The following EDA variants were observed in gnomAD, a reference collection of about 807,000 sequenced individuals.
EDA encodes ectodysplasin-A.
A neutral mutation model predicts 23.6 loss-of-function variants in EDA; 2 were observed. The ratio of observed to expected loss-of-function variants is 0.08; its 90% CI spans 0.03 to 0.27. The LOEUF (loss-of-function observed/expected upper bound fraction) is 0.27. Among genes scored for constraint, EDA ranks in the 10% least tolerant of loss-of-function variants. The pLI, the probability that EDA is intolerant of heterozygous loss-of-function variation, is 1.00. For missense variants in EDA, 229 were observed against 324.2 expected (o/e 0.71, Z 2.26); for synonymous variants, 131 against 132.0 (o/e 0.99, Z 0.05).
At chrX:69,833,479 G>T (rs1031009227) in intron 1 of EDA, among the ~76,000 whole-genome samples, 1 of 103,402 alleles carries the variant, frequency 9.7e-6, no homozygotes, top group African/African-American at 3.6e-5. Flanking sequence ...TGTTCATCAG[G>T]GATATTGGTC....
intron 1 of EDA, among the ~76,000 whole-genome samples, chrX:69,785,131 T>C (rs9780013): frequency 0.058 from 5,932 of 101,711 alleles, 465 homozygotes; most frequent in African/African-American, 0.19. Context: ...GTGATTTTTG[T>C]ACATTGATTT....
rs1569272277 is a variant in EDA at position 69,616,542 on chromosome X, T to A, written c.234T>A (p.Leu78=). Residue 78 remains leucine (L), a synonymous_variant, in exon 1 of 8, where the codon CTT becomes CTA. Transcript: ENST00000374552. ...GGGAACGTGGAGCCGAGTCCCGCCT[T>A]GGCGGCTCGGGCACCCCTGGCACCT... is the stretch of plus-strand genomic sequence containing the variant. ...LRRERGAESR[L]GGSGTPGTSG... 8.3e-7 allele frequency: 1 copy of A among 1,211,493 alleles called. No individual in the cohort carries two copies. The highest frequency in any genetic ancestry group is 1.7e-5 in the African/African-American group (1 of 57,837).
chrX:69,776,863 C>T, intron 1 of EDA, among the ~76,000 whole-genome samples: 1 of 111,475 alleles, frequency 9.0e-6, no homozygotes. Context: ...TCTTAACTTT[C>T]ACTACAGTTT....
chrX:70,029,825 T>C (rs1602619944), intron 5 of EDA, among the ~76,000 whole-genome samples: 1 of 112,519 alleles, frequency 8.9e-6, no homozygotes, highest in East Asian at 2.8e-4. Context: ...TGAAATAAGC[T>C]GCCAGTCAGA....
rs762426564 is a variant in EDA, at chrX:70,030,512, T to C, written c.785T>C (p.Val262Ala). ...CAGGGCCAAGGGTCAGCAATTCAAGTCAAGAATGGTAAGAATCAAAATAGG... is the reference window on the plus strand; with the variant it reads ...CAGGGCCAAGGGTCAGCAATTCAAGCCAAGAATGGTAAGAATCAAAATAGG... The part of the protein sequence containing the change: ...HLQGQGSAIQ[V>A]KNDLSGGVLN... Residue 262 changes from valine to alanine, a missense_variant, in exon 6 of 8, where the codon GTC (valine) becomes GCC (alanine). By Grantham distance (64) the Val-to-Ala change is moderately conservative. Coordinates refer to ENST00000374552, the MANE Select transcript of EDA (RefSeq NM_001399.5). The C allele has an allele frequency of 1.7e-6, 2 of 1,200,301 alleles. No individual in the cohort carries two copies. The highest frequency in any genetic ancestry group is 6.0e-5 in the East Asian group (2 of 33,448).
chrX:69,681,153 ACT>A (rs1024529201), intron 1 of EDA, among the ~76,000 whole-genome samples: 54 of 109,688 alleles, frequency 4.9e-4, no homozygotes, highest in Admixed American at 8.7e-4. Context: ...ATTGGCCCCC[ACT>A]CTCTTCTGGC....
intron 2 of EDA, among the ~76,000 whole-genome samples, chrX:69,971,370 A>T (rs917712107): frequency 8.9e-6 from 1 of 112,629 alleles, no homozygotes; most frequent in African/African-American, 3.2e-5. Flanking sequence ...GGTTTGAAAC[A>T]GTTTATTAAT....
Position 70,019,175 on chromosome X carries a change from TA to T in EDA, c.503-4036del, listed in dbSNP as rs768240324. Among the ~76,000 whole-genome samples the T allele has an allele frequency of 5.4e-5, 6 of 111,512 alleles. No individual in the cohort carries two copies. The East Asian group carries it at 1.7e-3, about 31-fold the overall frequency. ...TCACACCAGTCAGAATGGCTATTACTAAAAAAATCAAAAAATAAGAGATGCT... is the reference window on the plus strand; with the variant it reads ...TCACACCAGTCAGAATGGCTATTACTAAAAAATCAAAAAATAAGAGATGCT... On this transcript the variant is annotated intron_variant, in intron 2 of 7. Coordinates refer to ENST00000374552, the MANE Select transcript of EDA (RefSeq NM_001399.5).
chrX:69,720,052 C>T (rs1237200952), intron 1 of EDA, among the ~76,000 whole-genome samples: 1 of 111,691 alleles, frequency 9.0e-6, no homozygotes, highest in Non-Finnish European at 1.9e-5. Flanking sequence ...CCGGCCACCA[C>T]ATTTTCTTTA....
intron 1 of EDA, among the ~76,000 whole-genome samples, chrX:69,672,998 G>A (rs1933954956): frequency 8.9e-6 from 1 of 111,879 alleles, no homozygotes; most frequent in African/African-American, 3.2e-5. Context: ...ACATCTGCCT[G>A]TTTTGTTACT....
chrX:69,778,944 ACT>A (rs1295265515), intron 1 of EDA, among the ~76,000 whole-genome samples: 6 of 111,381 alleles, frequency 5.4e-5, no homozygotes, highest in Non-Finnish European at 9.5e-5. Flanking sequence ...CAACTACTCA[ACT>A]CTACTGTTAT....
Position 69,666,809 on chromosome X carries a change from T to C in EDA, c.396+50105T>C, listed in dbSNP as rs550402146. Among the ~76,000 whole-genome samples, 22 of 112,284 alleles carry C rather than the reference T, an allele frequency of 2.0e-4. No homozygotes were observed. The South Asian group carries it at 8.1e-3, about 41-fold the overall frequency. On this transcript the variant is annotated intron_variant, in intron 1 of 7. Coordinates refer to ENST00000374552, the MANE Select transcript of EDA (RefSeq NM_001399.5). ...TTCAGGTGATGCTGGCCTCATAACA[T>C]GTGTTGGAAAGTATTCCTGCTAGCT...
At chrX:69,851,351 T>C (rs2017128832) in intron 1 of EDA, among the ~76,000 whole-genome samples, 3 of 112,490 alleles carry the variant, frequency 2.7e-5, no homozygotes, top group African/African-American at 9.7e-5. Context: ...TTTGTGCTTA[T>C]GCATTTAAAA....
chrX:69,671,884 A>C (rs1202628473), intron 1 of EDA, among the ~76,000 whole-genome samples: 7 of 111,881 alleles, frequency 6.3e-5, no homozygotes, highest in Non-Finnish European at 1.3e-4. Flanking sequence ...CTCAATCACT[A>C]GTCTTTTCAA....
chrX:69,781,349 A>G (rs1209289277), intron 1 of EDA, among the ~76,000 whole-genome samples: 1 of 111,741 alleles, frequency 8.9e-6, no homozygotes, highest in African/African-American at 3.2e-5. Context: ...CACCTTGTTC[A>G]TTATCATCAG....
chrX:69,948,912 A>G (rs1288369868), intron 1 of EDA, among the ~76,000 whole-genome samples: 1 of 111,578 alleles, frequency 9.0e-6, no homozygotes, highest in African/African-American at 3.3e-5. Flanking sequence ...TTTTATATCT[A>G]TGACATATCT....
chrX:69,869,664 A>G (rs887570766), intron 1 of EDA, among the ~76,000 whole-genome samples: 2 of 111,103 alleles, frequency 1.8e-5, no homozygotes, highest in Admixed American at 1.9e-4. Context: ...CTTCCTATCA[A>G]TTTCACTCCT....
At chrX:69,766,272 A>T (rs771478440) in intron 1 of EDA, among the ~76,000 whole-genome samples, 58 of 111,174 alleles carry the variant, frequency 5.2e-4, no homozygotes, top group African/African-American at 1.7e-3. Context: ...GTAGGGGGGA[A>T]GTATCTGGCA....
chrX:69,798,591 T>C (rs2015600938), intron 1 of EDA, among the ~76,000 whole-genome samples: 1 of 111,269 alleles, frequency 9.0e-6, no homozygotes, highest in African/African-American at 3.3e-5. Flanking sequence ...GAAATTAAAA[T>C]GGAAATCAAA....
Sources: allele counts gnomAD v4.1 joint callset (sites outside exome capture counted in the v4.1 genomes callset), GRCh38; gene constraint gnomAD v4.1.1; transcripts MANE v1.5; gene names NCBI Gene and HGNC (gene_info 2026-07-23, HGNC 2026-07-21).